The following B4GALT6 variants were observed in gnomAD, a reference collection of about 807,000 sequenced individuals.
B4GALT6 encodes UDP-Gal:beta-GlcNAc beta-1,4-galactosyltransferase 6.
B4GALT6 carries 14 observed loss-of-function variants against 46.3 expected under a neutral mutation model. That is an observed-to-expected ratio of 0.30 (90% CI 0.20 to 0.47). The LOEUF (loss-of-function observed/expected upper bound fraction) is 0.47. Among genes scored for constraint, B4GALT6 ranks in the 20% least tolerant of loss-of-function variants. The pLI is 0.99. For missense variants in B4GALT6, 386 were observed against 480.1 expected, an observed-to-expected ratio of 0.80 and a Z score of 1.83; for synonymous variants, 168 against 162.0, an observed-to-expected ratio of 1.04 and a Z score of -0.28.
chr18:31,653,435 C>CT (rs5823819), intron 3 of B4GALT6, among the ~76,000 whole-genome samples: 1,785 of 73,830 alleles, frequency 0.024, 20 homozygotes, highest in Non-Finnish European at 0.027. Flanking sequence ...AACCTTTTTT[C>CT]TTTTTTTTTT....
intron 2 of B4GALT6, among the ~76,000 whole-genome samples, chr18:31,661,883 A>T (rs1256320377): frequency 1.3e-5 from 2 of 152,214 alleles, no homozygotes; most frequent in Non-Finnish European, 2.9e-5. Flanking sequence ...AATGTCATGC[A>T]TTAACTTTAA....
chr18:31,684,593 G>A (rs2144763854), upstream of B4GALT6: 2 of 1,343,154 alleles, frequency 1.5e-6, no homozygotes, highest in Non-Finnish European at 1.9e-6. Flanking sequence ...AAATGGGAGG[G>A]AGCGGACGGA....
chr18:31,638,526 C>CA, intron 5 of B4GALT6, 118 bp downstream of exon 5: 11 of 904,994 alleles, frequency 1.2e-5, no homozygotes, highest in Non-Finnish European at 1.7e-5. Context: ...GACTCTGTCT[C>CA]AAAAAAACTA....
chr18:31,688,265 A>ATATATATATACACATATG (rs2029998618), upstream of B4GALT6, among the ~76,000 whole-genome samples: 2 of 150,164 alleles, frequency 1.3e-5, no homozygotes, highest in Non-Finnish European at 3.0e-5. Context: ...ATATACATAT[A>ATATATATATACACATATG]TATATATACA....
chr18:31,715,748 C>A, the B4GALT6 span, among the ~76,000 whole-genome samples: 1 of 151,284 alleles, frequency 6.6e-6, no homozygotes, highest in Admixed American at 6.6e-5. Flanking sequence ...ACAGTTTCAC[C>A]ATGTTAGCCA....
chr18:31,627,461 A>C (rs1380761539), intron 6 of B4GALT6, among the ~76,000 whole-genome samples: 3 of 152,196 alleles, frequency 2.0e-5, no homozygotes, highest in Non-Finnish European at 4.4e-5. Flanking sequence ...AAATATATTT[A>C]TAATGGTCAA....
At chr18:31,706,053 T>C in the B4GALT6 span, among the ~76,000 whole-genome samples, 5 of 152,196 alleles carry the variant, frequency 3.3e-5, no homozygotes, top group African/African-American at 1.2e-4. Context: ...GTAGTTATGC[T>C]GGTTAAATGA....
In B4GALT6 at chr18:31,640,298, A is replaced by AC. The variant is rs546348798; in HGVS notation, c.472-1539dup. On this transcript the variant is annotated intron_variant, in intron 4 of 8. Transcript: ENST00000306851. ...ATAATTGAGAATACTTAAGTTTTGC[A>AC]CCTAATCCTTTTAAAATCAGGACAT... Among the ~76,000 whole-genome samples the AC allele has an allele frequency of 3.2e-3, 484 of 152,336 alleles. 3 individuals carry two copies. Among genetic ancestry groups the AC allele is most frequent in the African/African-American group, 0.011 (460 of 41,590 alleles).
At chr18:31,676,736 T>C (rs1008089142) in intron 1 of B4GALT6, among the ~76,000 whole-genome samples, 2 of 152,188 alleles carry the variant, frequency 1.3e-5, no homozygotes, top group Non-Finnish European at 2.9e-5. Flanking sequence ...TGTAGCACTA[T>C]TTTTTCCCCA....
At chr18:31,642,130 C>T (rs951989125) in intron 4 of B4GALT6, among the ~76,000 whole-genome samples, 1 of 152,158 alleles carries the variant, frequency 6.6e-6, no homozygotes, top group African/African-American at 2.4e-5. Context: ...GTTCTTGTTC[C>T]TTCCCACCAA....
At chr18:31,706,271 T>A in the B4GALT6 span, among the ~76,000 whole-genome samples, 49 of 152,176 alleles carry the variant, frequency 3.2e-4, no homozygotes, top group African/African-American at 1.2e-3. Flanking sequence ...ATAATATATA[T>A]TACATATGTG....
chr18:31,716,327 A>AAT, the B4GALT6 span, among the ~76,000 whole-genome samples: 2 of 152,214 alleles, frequency 1.3e-5, no homozygotes. Context: ...CAAACTGGAT[A>AAT]ATGCAATCAA....
intron 4 of B4GALT6, among the ~76,000 whole-genome samples, chr18:31,640,243 T>C (rs2073912937): frequency 6.6e-6 from 1 of 152,142 alleles, no homozygotes; most frequent in African/African-American, 2.4e-5. Flanking sequence ...CTATACCAAA[T>C]AAAGTTTATT....
At chr18:31,628,431 G>A (rs1420323154) in intron 6 of B4GALT6, among the ~76,000 whole-genome samples, 1 of 152,214 alleles carries the variant, frequency 6.6e-6, no homozygotes, top group Non-Finnish European at 1.5e-5. Flanking sequence ...TTATTGACAT[G>A]TATAAATCAG....
Position 31,659,228 on chromosome 18 carries a change from T to C in B4GALT6, c.233-1139A>G, listed in dbSNP as rs114343396. Among the ~76,000 whole-genome samples, 867 of 152,256 alleles carry C rather than the reference T, an allele frequency of 5.7e-3. 9 individuals are homozygous for C. The highest frequency in any genetic ancestry group is 0.02 in the African/African-American group (825 of 41,528). ...AGTAATCTGCTCCAATGAGAGACAA[T>C]GTAGAAGCTAAACCCTCTGACCATA... On this transcript the variant is annotated intron_variant, in intron 2 of 8. Coordinates refer to ENST00000306851, the MANE Select transcript of B4GALT6 (RefSeq NM_004775.5).
intron 1 of B4GALT6, among the ~76,000 whole-genome samples, chr18:31,678,487 G>A (rs549335710): frequency 6.6e-6 from 1 of 152,262 alleles, no homozygotes; most frequent in Admixed American, 6.5e-5. Context: ...ATCTTCCATT[G>A]TCCAGGGCAA....
intron 2 of B4GALT6, among the ~76,000 whole-genome samples, chr18:31,663,769 T>C (rs1274005526): frequency 3.3e-5 from 5 of 152,228 alleles, no homozygotes; most frequent in Non-Finnish European, 7.3e-5. Flanking sequence ...TAACTATTCA[T>C]GTTTCCATCT....
At chr18:31,701,312 A>T in the B4GALT6 span, among the ~76,000 whole-genome samples, 1 of 152,158 alleles carries the variant, frequency 6.6e-6, no homozygotes. Context: ...TGCTCTGGCC[A>T]TGTAAGACAT....
upstream of B4GALT6, chr18:31,684,807 G>A (rs2074526313): frequency 1.1e-5 from 11 of 1,025,600 alleles, no homozygotes; most frequent in African/African-American, 1.7e-5. Flanking sequence ...GCTGCGCGCC[G>A]CGGCGCCCCT....
Sources: allele counts gnomAD v4.1 joint callset (sites outside exome capture counted in the v4.1 genomes callset), GRCh38; gene constraint gnomAD v4.1.1; transcripts MANE v1.5; gene names NCBI Gene and HGNC (gene_info 2026-07-23, HGNC 2026-07-21).